The following ENTREP1 variants were observed in gnomAD, a reference collection of about 807,000 sequenced individuals.
The protein encoded by ENTREP1 is Friedreich ataxia region gene X123.
chr9:69,357,612 G>A, the ENTREP1 span, among the ~76,000 whole-genome samples: 1 of 152,098 alleles, frequency 6.6e-6, no homozygotes, highest in Non-Finnish European at 1.5e-5. Context: ...ACTGAAACTG[G>A]GAGTAGGTTC....
chr9:69,389,904 C>A, the ENTREP1 span, among the ~76,000 whole-genome samples: 1 of 152,206 alleles, frequency 6.6e-6, no homozygotes, highest in Non-Finnish European at 1.5e-5. Flanking sequence ...AGATTTTGGG[C>A]CATCTCCTGG....
chr9:69,366,385 G>T, the ENTREP1 span, among the ~76,000 whole-genome samples: 64,206 of 138,694 alleles, frequency 0.46, 15,317 homozygotes, highest in African/African-American at 0.59. Flanking sequence ...TCCAACTGGG[G>T]TTTTTTTTTT....
the ENTREP1 span, among the ~76,000 whole-genome samples, chr9:69,385,248 T>C: frequency 0.44 from 67,131 of 152,058 alleles, 15,363 homozygotes; most frequent in African/African-American, 0.57. Flanking sequence ...AAACAGTTTC[T>C]CGAATTACAA....
the ENTREP1 span, among the ~76,000 whole-genome samples, chr9:69,367,680 A>AC: frequency 2.1e-5 from 1 of 47,362 alleles, no homozygotes; most frequent in Admixed American, 2.3e-4. Flanking sequence ...CACATATATA[A>AC]ATATATATAT....
chr9:69,356,024 G>A, the ENTREP1 span, among the ~76,000 whole-genome samples: 3 of 152,160 alleles, frequency 2.0e-5, no homozygotes, highest in African/African-American at 7.2e-5. Flanking sequence ...TAAAGTGTAC[G>A]TTTAGTGGCA....
the ENTREP1 span, chr9:69,384,146 C>T: frequency 4.5e-6 from 3 of 667,558 alleles, no homozygotes; most frequent in Non-Finnish European, 7.7e-6. Flanking sequence ...TCACATGAGG[C>T]CAGGAGTTTG....
the ENTREP1 span, among the ~76,000 whole-genome samples, chr9:69,360,177 C>T: frequency 1.3e-5 from 2 of 152,092 alleles, no homozygotes; most frequent in African/African-American, 4.8e-5. Flanking sequence ...TTAGTTTTTC[C>T]ATTTGTCAAG....
At chr9:69,342,233 G>C in the ENTREP1 span, among the ~76,000 whole-genome samples, 1 of 152,134 alleles carries the variant, frequency 6.6e-6, no homozygotes, top group Non-Finnish European at 1.5e-5. Flanking sequence ...TCTCCTGGCA[G>C]ATATTATTCC....
At chr9:69,380,981 C>T in the ENTREP1 span, 198 of 152,272 alleles carry the variant, frequency 1.3e-3, 1 homozygote, top group Non-Finnish European at 2.5e-3. Flanking sequence ...CTCTCTCCCC[C>T]TCTGCAGGCA....
the ENTREP1 span, chr9:69,383,991 C>T: frequency 6.2e-7 from 1 of 1,613,252 alleles, no homozygotes; most frequent in Non-Finnish European, 8.5e-7. Flanking sequence ...CTGCTGTGAT[C>T]CCATTGGATC....
the ENTREP1 span, among the ~76,000 whole-genome samples, chr9:69,326,381 T>G: frequency 2.0e-5 from 3 of 152,120 alleles, no homozygotes; most frequent in Non-Finnish European, 4.4e-5. Context: ...AGAATTCAGT[T>G]TGTGAGAACC....
At chr9:69,344,676 T>C in the ENTREP1 span, among the ~76,000 whole-genome samples, 1 of 152,234 alleles carries the variant, frequency 6.6e-6, no homozygotes, top group African/African-American at 2.4e-5. Flanking sequence ...CTCTACCCCC[T>C]GGAGCTCTAG....
the ENTREP1 span, among the ~76,000 whole-genome samples, chr9:69,367,801 A>C: frequency 2.3e-5 from 2 of 88,636 alleles, 1 homozygote; most frequent in Non-Finnish European, 4.5e-5. Flanking sequence ...ATATATATAA[A>C]TATATATACA....
the ENTREP1 span, among the ~76,000 whole-genome samples, chr9:69,341,970 A>C: frequency 9.2e-3 from 1,393 of 152,132 alleles, 16 homozygotes; most frequent in African/African-American, 0.031. Flanking sequence ...ATAATATTTT[A>C]AGATTCCTTC....
chr9:69,325,556 G>T, the ENTREP1 span: 1 of 1,200,170 alleles, frequency 8.3e-7, no homozygotes, highest in Non-Finnish European at 1.0e-6. Context: ...CGCCGCCGCT[G>T]CCGCCGCGGC....
chr9:69,386,100 C>T, the ENTREP1 span: 332 of 563,384 alleles, frequency 5.9e-4, 3 homozygotes, highest in South Asian at 0.019. Flanking sequence ...AAATATTCTA[C>T]GTCCATGTTA....
At chr9:69,345,595 C>G in the ENTREP1 span, among the ~76,000 whole-genome samples, 1 of 152,136 alleles carries the variant, frequency 6.6e-6, no homozygotes, top group Non-Finnish European at 1.5e-5. Context: ...AGCCTTCTTA[C>G]TCTTTTTTAA....
the ENTREP1 span, among the ~76,000 whole-genome samples, chr9:69,366,696 T>G: frequency 6.6e-6 from 1 of 152,124 alleles, no homozygotes. Flanking sequence ...CTTTAATCCA[T>G]TTTGAGTTGA....
chr9:69,382,834 C>CT, the ENTREP1 span: 12 of 190,280 alleles, frequency 6.3e-5, no homozygotes, highest in Non-Finnish European at 1.2e-4. Context: ...TTTTAAAATC[C>CT]TTTTTTTGTA....
Sources: gnomAD v4.1 joint callset for allele counts (sites outside exome capture counted in the v4.1 genomes callset) on GRCh38, gnomAD v4.1.1 for gene constraint, MANE v1.5 for transcripts, NCBI Gene and HGNC (gene_info 2026-07-23, HGNC 2026-07-21) for gene names.